CPNE4: variants seen among roughly 807,000 people sequenced by gnomAD.
CPNE4 encodes the protein copine 4, also known as copine-4.
A neutral mutation model predicts 67.9 loss-of-function variants in CPNE4; 25 were observed. The observed-to-expected ratio is 0.37, with a 90% confidence interval of 0.27 to 0.51. The LOEUF is 0.51. Among genes scored for constraint, CPNE4 ranks in the 20% least tolerant of loss-of-function variants. CPNE4 has a pLI of 0.93. For synonymous variants in CPNE4, 242 were observed against 244.9 expected (o/e 0.99, Z 0.11); for missense variants, 464 against 690.8 (o/e 0.67, Z 3.68).
intron 2 of CPNE4, among the ~76,000 whole-genome samples, chr3:131,749,924 C>G (rs554902776): frequency 6.6e-6 from 1 of 152,190 alleles, no homozygotes; most frequent in South Asian, 2.1e-4. Flanking sequence ...GTTTTGGAGG[C>G]TAAAAGTCCA....
chr3:131,748,634 C>G lies in CPNE4; in HGVS notation c.181-25009G>C, dbSNP rs150377636. 2.0e-5 allele frequency among the ~76,000 whole-genome samples: 3 copies of G among 152,082 alleles called. No homozygotes were observed. In the East Asian group the frequency reaches 5.8e-4, roughly 29 times the overall value. On this transcript the variant is annotated intron_variant, in intron 2 of 15. Coordinates refer to ENST00000429747, the MANE Select transcript of CPNE4 (RefSeq NM_130808.3). ...GTTATAGGACTAGTCAAATTATCTA[C>G]TTCATTTTGGGTTAATTTTTGCAGT...
At chr3:132,014,570 G>T (rs1036579619) in intron 1 of CPNE4, among the ~76,000 whole-genome samples, 3 of 151,924 alleles carry the variant, frequency 2.0e-5, no homozygotes, top group Admixed American at 2.0e-4. Context: ...TTCTTTTTCC[G>T]TTAAAATGTT....
At chr3:131,686,721 A>G (rs1180809884) in intron 5 of CPNE4, among the ~76,000 whole-genome samples, 1 of 152,140 alleles carries the variant, frequency 6.6e-6, no homozygotes, top group Non-Finnish European at 1.5e-5. Flanking sequence ...ATTTGTGAGA[A>G]CCTCAAATGC....
chr3:131,622,331 A>G (rs1434888453), intron 7 of CPNE4, among the ~76,000 whole-genome samples: 2 of 152,166 alleles, frequency 1.3e-5, no homozygotes, highest in Non-Finnish European at 2.9e-5. Flanking sequence ...GCTATACTAC[A>G]CTAGGAAGAA....
In CPNE4 at chr3:131,905,400, A is replaced by T. The variant is rs754854706; in HGVS notation, c.44T>A (p.Leu15Gln). Residue 15 changes from leucine to glutamine, a missense_variant, in exon 2 of 16, where the codon CTG becomes CAG. Leu to Gln is a moderately radical substitution (Grantham distance 113). Around this residue, in one of 6 missense-constraint regions of CPNE4, gnomAD observed 170 missense variants for 203.3 expected, o/e 0.84. Coordinates refer to ENST00000429747, the MANE Select transcript of CPNE4 (RefSeq NM_130808.3). ...CAGGCAGGGGCTGTTAAAGATTCCC[A>T]GTGTGTTGGCAGCGGACTCATAAAT... The part of the protein sequence containing the change: ...SNIYESAANT[L>Q]GIFNSPCLTK... The T allele has an allele frequency of 1.2e-6, 2 of 1,613,354 alleles. No individual in the cohort carries two copies. The highest frequency in any genetic ancestry group is 2.7e-5 in the African/African-American group (2 of 74,878).
upstream of CPNE4, chr3:132,035,285 A>T (rs2074321080): frequency 6.5e-6 from 1 of 153,954 alleles, no homozygotes; most frequent in South Asian, 2.1e-4. Context: ...GAGCGGTCGT[A>T]TCGCGGCGCG....
intron 2 of CPNE4, among the ~76,000 whole-genome samples, chr3:131,785,648 ACTCTCTCTCTCTCTTTCTCTCTTT>A (rs1380802483): frequency 1.8e-4 from 24 of 132,302 alleles, no homozygotes; most frequent in African/African-American, 6.9e-4. Flanking sequence ...ATCTGCCAGC[ACTCTCTCTCTCTCTTTCTCTCTTT>A]CTCTCTCTCT....
intron 1 of CPNE4, among the ~76,000 whole-genome samples, chr3:131,918,717 G>T (rs980378127): frequency 6.6e-6 from 1 of 152,002 alleles, no homozygotes; most frequent in Non-Finnish European, 1.5e-5. Context: ...ACATAAAACA[G>T]TTTTTTTGTA....
chr3:131,616,702 C>A (rs375441796), intron 7 of CPNE4, among the ~76,000 whole-genome samples: 16 of 152,244 alleles, frequency 1.1e-4, no homozygotes, highest in African/African-American at 3.9e-4. Flanking sequence ...CCCTCCCAAC[C>A]AATGAATCAG....
In CPNE4 at chr3:132,034,843, A is replaced by C. The variant is rs929173564; in HGVS notation, c.-278T>G. 1 of 984,768 alleles carries C rather than the reference A, an allele frequency of 1.0e-6. No homozygotes were observed. Among genetic ancestry groups the C allele is most frequent in the Non-Finnish European group, 1.2e-6 (1 of 829,912 alleles). 61.0% of individuals were successfully genotyped at this position (984,768 alleles called of 1,614,324 possible). ...GGGGAAGAGGGTGAAAATGTTGGAG[A>C]TGTCAGGTCGGCTCTCAGTTAACTC... On this transcript the variant is annotated 5_prime_UTR_variant, in exon 1 of 16. Transcript: ENST00000429747.
intron 2 of CPNE4, among the ~76,000 whole-genome samples, chr3:131,836,003 A>G (rs1282733959): frequency 6.6e-6 from 1 of 152,200 alleles, no homozygotes; most frequent in Non-Finnish European, 1.5e-5. Context: ...TCCTAGGCTT[A>G]CCCTGAAGTG....
At chr3:132,015,333 C>T (rs1018702218) in intron 1 of CPNE4, among the ~76,000 whole-genome samples, 5 of 152,172 alleles carry the variant, frequency 3.3e-5, no homozygotes, top group African/African-American at 1.2e-4. Context: ...GGAGAGCTTA[C>T]AGTGAGGCTT....
intron 1 of CPNE4, among the ~76,000 whole-genome samples, chr3:131,916,912 T>G (rs1283524736): frequency 2.6e-5 from 4 of 152,222 alleles, no homozygotes; most frequent in Non-Finnish European, 5.9e-5. Context: ...CAGGACTCTT[T>G]TATAAGATAA....
intron 2 of CPNE4, among the ~76,000 whole-genome samples, chr3:131,797,186 C>T (rs1236256162): frequency 6.6e-6 from 1 of 152,174 alleles, no homozygotes; most frequent in African/African-American, 2.4e-5. Flanking sequence ...GGGATGGGCT[C>T]AAAGCAGAAT....
chr3:132,019,075 A>G (rs1188796575), intron 1 of CPNE4, among the ~76,000 whole-genome samples: 1 of 145,350 alleles, frequency 6.9e-6, no homozygotes, highest in Non-Finnish European at 1.5e-5. Context: ...CACCTTTATG[A>G]ATCATGTTTT....
chr3:131,820,740 T>C (rs1214451056), intron 2 of CPNE4, among the ~76,000 whole-genome samples: 1 of 152,228 alleles, frequency 6.6e-6, no homozygotes, highest in Non-Finnish European at 1.5e-5. Flanking sequence ...CACACACTCA[T>C]CTCTTTTAAA....
intron 8 of CPNE4, among the ~76,000 whole-genome samples, chr3:131,582,642 A>G (rs1432039850): frequency 6.6e-6 from 1 of 152,184 alleles, no homozygotes; most frequent in Non-Finnish European, 1.5e-5. Context: ...ATTTAGTCAC[A>G]TGACTCATTT....
chr3:132,017,866 C>A (rs2107685099), intron 1 of CPNE4: 1 of 152,534 alleles, frequency 6.6e-6, no homozygotes, highest in African/African-American at 2.4e-5. Flanking sequence ...CTCAGAGGCT[C>A]CACGGGGTGG....
At chr3:132,038,346 T>TA (rs1052151082), upstream of CPNE4, among the ~76,000 whole-genome samples, 6 of 152,316 alleles carry the variant, frequency 3.9e-5, no homozygotes, top group African/African-American at 1.4e-4. Context: ...CATTCCTTTT[T>TA]ATGAGAACCC....
Sources: gnomAD v4.1 joint callset for allele counts (sites outside exome capture counted in the v4.1 genomes callset) on GRCh38, gnomAD v4.1.1 for gene constraint, gnomAD v4.1.1 regional missense constraint, MANE v1.5 for transcripts, NCBI Gene and HGNC (gene_info 2026-07-23, HGNC 2026-07-21) for gene names.